The following GRIP1 variants were observed in gnomAD, a reference collection of about 807,000 sequenced individuals.
GRIP1 encodes glutamate receptor-interacting protein 1.
GRIP1 carries 45 observed loss-of-function variants against 129.9 expected under a neutral mutation model. The ratio of observed to expected loss-of-function variants is 0.35; its 90% CI spans 0.27 to 0.44. The LOEUF (loss-of-function observed/expected upper bound fraction) is 0.44, where lower values mean the gene tolerates loss of function less well. Ranked by LOEUF, GRIP1 falls within the 20% of genes least tolerant of loss-of-function variation. The probability of loss-of-function intolerance (pLI) is 1.00; values close to 1 mark genes in which losing one functional copy is unlikely to be tolerated. For missense variants in GRIP1, 1,196 were observed against 1,396.8 expected (o/e 0.86, Z 2.29); for synonymous variants, 530 against 520.8 (o/e 1.02, Z -0.24).
chr12:66,699,961 C>T (rs905666769), intron 1 of GRIP1, among the ~76,000 whole-genome samples: 3 of 152,134 alleles, frequency 2.0e-5, no homozygotes, highest in East Asian at 1.9e-4. Flanking sequence ...ACATTAGATA[C>T]CTGAGTCCAC....
rs1349185669 is a variant in GRIP1, at chr12:66,841,284, CT to C, written c.58+227765del. ...CTCTTTTCTTGTGCCTCTGTTAGTCCTTCAAGGGATACCAAGAAGTGTATGT... is the reference window on the plus strand; with the variant it reads ...CTCTTTTCTTGTGCCTCTGTTAGTCCTCAAGGGATACCAAGAAGTGTATGT... On this transcript the variant is annotated intron_variant, in intron 1 of 1. Coordinates refer to the GRIP1 transcript ENST00000643019. 2.0e-5 allele frequency among the ~76,000 whole-genome samples: 3 copies of C among 152,188 alleles called. No homozygotes were observed. In the East Asian group the frequency reaches 5.8e-4, roughly 29 times the overall value.
At chr12:66,583,338 T>G (rs2063480926) in intron 2 of GRIP1, among the ~76,000 whole-genome samples, 1 of 149,948 alleles carries the variant, frequency 6.7e-6, no homozygotes, top group Non-Finnish European at 1.5e-5. Flanking sequence ...ATTCAGGACA[T>G]AGGCATGGGC....
intron 1 of GRIP1, among the ~76,000 whole-genome samples, chr12:66,757,903 T>A (rs144523230): frequency 6.6e-6 from 1 of 152,336 alleles, no homozygotes; most frequent in African/African-American, 2.4e-5. Flanking sequence ...TCTTTTTGGT[T>A]GTTGGTAAAT....
At chr12:67,033,420 A>T (rs2043051921) in intron 1 of GRIP1, among the ~76,000 whole-genome samples, 1 of 152,072 alleles carries the variant, frequency 6.6e-6, no homozygotes, top group Non-Finnish European at 1.5e-5. Flanking sequence ...CCCAGTAATA[A>T]TATACATCTA....
At chr12:66,432,118 T>C (rs965332811) in intron 14 of GRIP1, among the ~76,000 whole-genome samples, 3 of 152,112 alleles carry the variant, frequency 2.0e-5, no homozygotes, top group African/African-American at 7.2e-5. Context: ...ATGCTAATAA[T>C]ATATATTATA....
At chr12:66,894,200 C>G (rs1439328057) in intron 1 of GRIP1, among the ~76,000 whole-genome samples, 1 of 152,220 alleles carries the variant, frequency 6.6e-6, no homozygotes, top group Non-Finnish European at 1.5e-5. Flanking sequence ...CCAATATCTT[C>G]TGTAAGTACC....
At chr12:66,796,556 C>T (rs1331344244) in intron 1 of GRIP1, among the ~76,000 whole-genome samples, 1 of 152,102 alleles carries the variant, frequency 6.6e-6, no homozygotes, top group Non-Finnish European at 1.5e-5. Context: ...TCAACACCTC[C>T]ACCACTCCAT....
intron 1 of GRIP1, among the ~76,000 whole-genome samples, chr12:66,837,956 G>T (rs577969032): frequency 2.8e-4 from 43 of 152,316 alleles, no homozygotes; most frequent in African/African-American, 9.1e-4. Flanking sequence ...CACTTTGGGA[G>T]GCCAAGGTGG....
rs908131199 is a variant in GRIP1, at chr12:66,478,393, G to A, written c.725-12971C>T. ...TCAGGAAACAACAGGTGCTGGAGAG[G>A]ATGTGGAGAAATAGGAACACTTTTA... On this transcript the variant is annotated intron_variant, in intron 7 of 24. Transcript: ENST00000359742. 1.2e-4 allele frequency among the ~76,000 whole-genome samples: 18 copies of A among 152,284 alleles called. No individual in the cohort carries two copies. The East Asian group carries it at 2.1e-3, about 18-fold the overall frequency.
chr12:66,352,720 C>CA (rs1164207741), intron 24 of GRIP1, among the ~76,000 whole-genome samples: 1,147 of 63,388 alleles, frequency 0.018, 11 homozygotes, highest in African/African-American at 0.045. Flanking sequence ...GACTCTGTCT[C>CA]AAAAAAAAAA....
chr12:66,589,759 T>A (rs978431877), intron 2 of GRIP1, among the ~76,000 whole-genome samples: 13 of 152,170 alleles, frequency 8.5e-5, no homozygotes, highest in African/African-American at 2.9e-4. Context: ...ACAAAAATCA[T>A]GAGGATGACA....
At chr12:66,855,013 T>G (rs1039368657) in intron 1 of GRIP1, among the ~76,000 whole-genome samples, 4 of 152,080 alleles carry the variant, frequency 2.6e-5, no homozygotes, top group African/African-American at 9.7e-5. Context: ...TTTCATGCTA[T>G]TCTTCCTTTT....
intron 2 of GRIP1, among the ~76,000 whole-genome samples, chr12:66,587,384 T>C (rs1330427663): frequency 1.3e-5 from 2 of 152,232 alleles, no homozygotes; most frequent in African/African-American, 2.4e-5. Context: ...ATGGACCCCA[T>C]AACTTTCTGC....
intron 9 of GRIP1, among the ~76,000 whole-genome samples, chr12:66,462,208 T>C (rs1358232910): frequency 6.6e-6 from 1 of 152,184 alleles, no homozygotes; most frequent in Non-Finnish European, 1.5e-5. Flanking sequence ...TTGTTCTCTA[T>C]CCTAAGAAAA....
At chr12:66,891,561 A>G (rs533831757) in intron 1 of GRIP1, among the ~76,000 whole-genome samples, 2 of 152,298 alleles carry the variant, frequency 1.3e-5, no homozygotes, top group African/African-American at 4.8e-5. Flanking sequence ...GAGTATCTGC[A>G]TCCTCCTCAT....
chr12:66,882,301 A>G (rs2137196136), intron 1 of GRIP1, among the ~76,000 whole-genome samples: 1 of 152,062 alleles, frequency 6.6e-6, no homozygotes, highest in Non-Finnish European at 1.5e-5. Context: ...TTAAAAGGGG[A>G]CTTTGCCTAG....
In GRIP1 at chr12:66,857,586, T is replaced by C. The variant is rs181781219; in HGVS notation, c.58+211464A>G. 1.0e-4 allele frequency among the ~76,000 whole-genome samples: 15 copies of C among 149,958 alleles called. No individual in the cohort carries two copies. The East Asian group carries it at 2.9e-3, about 29-fold the overall frequency. On this transcript the variant is annotated intron_variant, in intron 1 of 1. Coordinates refer to the GRIP1 transcript ENST00000643019. ...AAAAAAAAAAAAGAACAATTTGCAA[T>C]GTTTTCCTCAAGCACAGAATTGAAG...
intron 1 of GRIP1, among the ~76,000 whole-genome samples, chr12:66,955,530 A>C (rs900571636): frequency 1.5e-5 from 2 of 135,296 alleles, no homozygotes; most frequent in African/African-American, 5.6e-5. Context: ...TTTTTGAGTC[A>C]GAGTCTCACT....
chr12:66,459,062 G>A (rs992337622), intron 9 of GRIP1, among the ~76,000 whole-genome samples: 1 of 152,206 alleles, frequency 6.6e-6, no homozygotes, highest in Non-Finnish European at 1.5e-5. Context: ...TTGTCTGTCT[G>A]TACTAGAATG....
Sources: allele counts gnomAD v4.1 joint callset (sites outside exome capture counted in the v4.1 genomes callset), GRCh38; gene constraint gnomAD v4.1.1; transcripts MANE v1.5; gene names NCBI Gene and HGNC (gene_info 2026-07-23, HGNC 2026-07-21).